Variants in GABBR2 observed in about 807,000 individuals in gnomAD.
GABBR2 encodes the protein G-protein coupled receptor 51.
Under a neutral mutation model 105.6 loss-of-function variants are expected in GABBR2, and 23 were observed. That is an observed-to-expected ratio of 0.22 (90% confidence interval 0.16 to 0.31). The LOEUF (loss-of-function observed/expected upper bound fraction) is 0.31, where lower values mean the gene tolerates loss of function less well. GABBR2 is among the 10% of genes least tolerant of loss of function. The pLI, the probability that GABBR2 is intolerant of heterozygous loss-of-function variation, is 1.00. For synonymous variants in GABBR2, 478 were observed against 499.7 expected, an observed-to-expected ratio of 0.96 and a Z score of 0.58; for missense variants, 734 against 1,245.5, an observed-to-expected ratio of 0.59 and a Z score of 6.18.
chr9:98,691,709 T>A (rs1487136281), intron 1 of GABBR2, among the ~76,000 whole-genome samples: 1 of 152,186 alleles, frequency 6.6e-6, no homozygotes, highest in Non-Finnish European at 1.5e-5. Context: ...TGGCTCAGCA[T>A]TATCCCCTCA....
At chr9:98,546,445 A>C (rs1828403672) in intron 2 of GABBR2, among the ~76,000 whole-genome samples, 1 of 152,226 alleles carries the variant, frequency 6.6e-6, no homozygotes, top group Non-Finnish European at 1.5e-5. Flanking sequence ...TTTTTCAGCA[A>C]TATATACTTT....
At chr9:98,533,375 G>C (rs981615892) in intron 3 of GABBR2, among the ~76,000 whole-genome samples, 20 of 152,140 alleles carry the variant, frequency 1.3e-4, no homozygotes, top group South Asian at 2.1e-4. Context: ...GCAGTCAAGA[G>C]AGGGAATGGA....
In GABBR2 at chr9:98,618,985, A is replaced by G. The variant is rs1407398303; in HGVS notation, c.322-40913T>C. Among the ~76,000 whole-genome samples, 4 of 152,220 alleles carry G rather than the reference A, an allele frequency of 2.6e-5. No individual in the cohort carries two copies. The East Asian group carries it at 7.7e-4, about 29-fold the overall frequency. ...AAAAAATAGTTATAAAAAAGGAAAA[A>G]GAGAAAACATTCAATAAGAACATAA... On this transcript the variant is annotated intron_variant, in intron 1 of 18. Coordinates refer to ENST00000259455, the MANE Select transcript of GABBR2 (RefSeq NM_005458.8).
chr9:98,701,275 C>T (rs1219386201), intron 1 of GABBR2, among the ~76,000 whole-genome samples: 2 of 152,148 alleles, frequency 1.3e-5, no homozygotes, highest in African/African-American at 4.8e-5. Context: ...GTATTAGTTC[C>T]ACCCACCACC....
intron 10 of GABBR2, among the ~76,000 whole-genome samples, chr9:98,387,836 A>C (rs1832101748): frequency 1.3e-5 from 2 of 152,072 alleles, no homozygotes; most frequent in South Asian, 4.1e-4. Context: ...ACACACACAA[A>C]AGTCTAGAGC....
At chr9:98,629,732 A>G (rs1280050857) in intron 1 of GABBR2, among the ~76,000 whole-genome samples, 1 of 152,198 alleles carries the variant, frequency 6.6e-6, no homozygotes, top group Non-Finnish European at 1.5e-5. Flanking sequence ...GGTGTAAGCC[A>G]ATGAGAACAT....
At chr9:98,519,640 G>C (rs1162168668) in intron 3 of GABBR2, among the ~76,000 whole-genome samples, 1 of 152,086 alleles carries the variant, frequency 6.6e-6, no homozygotes, top group Non-Finnish European at 1.5e-5. Context: ...AGGATGTAGG[G>C]AGCCTGGGAT....
chr9:98,396,990 T>C (rs1360679162), intron 8 of GABBR2, among the ~76,000 whole-genome samples: 1 of 152,156 alleles, frequency 6.6e-6, no homozygotes, highest in Non-Finnish European at 1.5e-5. Flanking sequence ...GCATAATTCA[T>C]CCTGGTCTAA....
chr9:98,431,449 A>G (rs1003816619), intron 7 of GABBR2, among the ~76,000 whole-genome samples: 4 of 152,256 alleles, frequency 2.6e-5, no homozygotes, highest in East Asian at 3.9e-4. Context: ...GTTCTCAAAA[A>G]TTATTCGTTG....
intron 7 of GABBR2, among the ~76,000 whole-genome samples, chr9:98,417,413 G>A (rs1322023665): frequency 6.6e-6 from 1 of 152,190 alleles, no homozygotes; most frequent in Non-Finnish European, 1.5e-5. Flanking sequence ...GGGCCCTCGG[G>A]ACCTGCATCC....
chr9:98,410,211 G>A (rs925163363), intron 7 of GABBR2, among the ~76,000 whole-genome samples: 1 of 151,874 alleles, frequency 6.6e-6, no homozygotes, highest in African/African-American at 2.4e-5. Flanking sequence ...CTCTCCTTAA[G>A]CTTTCGTCTT....
intron 1 of GABBR2, among the ~76,000 whole-genome samples, chr9:98,670,682 C>T (rs775442937): frequency 2.0e-5 from 3 of 152,204 alleles, no homozygotes; most frequent in Non-Finnish European, 4.4e-5. Flanking sequence ...TATGCTACAA[C>T]ATGGATGAAA....
chr9:98,697,248 T>C (rs1047323017), intron 1 of GABBR2, among the ~76,000 whole-genome samples: 2 of 152,034 alleles, frequency 1.3e-5, no homozygotes, highest in African/African-American at 2.4e-5. Context: ...TCCTAGCACT[T>C]TGGGAGGCCG....
chr9:98,596,164 G>A (rs1829231141), intron 1 of GABBR2, among the ~76,000 whole-genome samples: 2 of 152,244 alleles, frequency 1.3e-5, no homozygotes, highest in Non-Finnish European at 2.9e-5. Flanking sequence ...AGGACCTTGG[G>A]CAAACTTTTA....
At chr9:98,348,988 A>G (rs907204310) in intron 13 of GABBR2, among the ~76,000 whole-genome samples, 2 of 152,298 alleles carry the variant, frequency 1.3e-5, no homozygotes, top group Middle Eastern at 3.4e-3. Context: ...GAAAGTGAGC[A>G]TCCTTGTCTT....
At position 98,622,366 on chromosome 9, in the gene GABBR2, A is replaced by G. The variant is rs151142819; in HGVS notation, c.322-44294T>C. On this transcript the variant is annotated intron_variant, in intron 1 of 18. Coordinates refer to ENST00000259455, the MANE Select transcript of GABBR2 (RefSeq NM_005458.8). ...TTTTTTGTAGGGATGGGGCGTCACC[A>G]TGTTGCCCAGGCTGGTCTTGAACTC... Among the ~76,000 whole-genome samples, 1,495 of 152,162 alleles carry G rather than the reference A, an allele frequency of 9.8e-3. 14 individuals carry two copies. The highest frequency in any genetic ancestry group is 0.015 in the Non-Finnish European group (1,039 of 67,998).
chr9:98,430,367 G>A (rs1479909940), intron 7 of GABBR2, among the ~76,000 whole-genome samples: 1 of 151,708 alleles, frequency 6.6e-6, no homozygotes, highest in Admixed American at 6.6e-5. Flanking sequence ...CTTGGAAGGA[G>A]TTTGACCCTT....
At chr9:98,333,170 T>C (rs1213817639) in intron 13 of GABBR2, among the ~76,000 whole-genome samples, 1 of 152,162 alleles carries the variant, frequency 6.6e-6, no homozygotes, top group Non-Finnish European at 1.5e-5. Context: ...GTATGAGGGC[T>C]AACCTTCATC....
At chr9:98,660,139 C>G (rs766327321) in intron 1 of GABBR2, among the ~76,000 whole-genome samples, 1 of 152,082 alleles carries the variant, frequency 6.6e-6, no homozygotes, top group Non-Finnish European at 1.5e-5. Context: ...AATATTTATT[C>G]AATCAATTCT....
Sources: gnomAD v4.1 joint callset for allele counts (sites outside exome capture counted in the v4.1 genomes callset) on GRCh38, gnomAD v4.1.1 for gene constraint, MANE v1.5 for transcripts, NCBI Gene and HGNC (gene_info 2026-07-23, HGNC 2026-07-21) for gene names.